NRXN3: variants seen among roughly 807,000 people sequenced by gnomAD.
The protein encoded by NRXN3 is neurexin III.
In NRXN3, 32 loss-of-function variants were observed where a neutral mutation model predicts 137.6. The observed-to-expected ratio is 0.23, with a 90% CI of 0.18 to 0.31. The LOEUF is 0.31. Among genes scored for constraint, NRXN3 ranks in the 10% least tolerant of loss-of-function variants. The pLI is 1.00. For synonymous variants in NRXN3, 798 were observed against 784.5 expected (o/e 1.02, Z -0.29); for missense variants, 1,574 against 2,062.5 (o/e 0.76, Z 4.59).
At chr14:78,421,046 C>T (rs1177181033) in intron 4 of NRXN3, among the ~76,000 whole-genome samples, 1 of 152,148 alleles carries the variant, frequency 6.6e-6, no homozygotes, top group African/African-American at 2.4e-5. Context: ...AGGCAGATCA[C>T]AAGGTCAAGG....
chr14:78,943,619 AAAATATATATATATATAT>A (rs1414228062), intron 10 of NRXN3, among the ~76,000 whole-genome samples: 49 of 42,810 alleles, frequency 1.1e-3, no homozygotes, highest in South Asian at 6.0e-3. Context: ...TTAAAAAAAA[AAAATATATATATATATAT>A]ATATATATAT....
chr14:79,478,537 T>C (rs914657414), intron 16 of NRXN3, among the ~76,000 whole-genome samples: 2 of 152,094 alleles, frequency 1.3e-5, no homozygotes, highest in Non-Finnish European at 2.9e-5. Context: ...GGACCCAGCA[T>C]CTACTCCTAG....
intron 4 of NRXN3, among the ~76,000 whole-genome samples, chr14:78,383,946 T>C (rs2089554993): frequency 6.6e-6 from 1 of 152,202 alleles, no homozygotes; most frequent in Non-Finnish European, 1.5e-5. Context: ...TTGGTCTACA[T>C]GGAGTCTACA....
chr14:78,213,794 T>C (rs1339506009), intron 1 of NRXN3, among the ~76,000 whole-genome samples: 1 of 152,126 alleles, frequency 6.6e-6, no homozygotes, highest in Non-Finnish European at 1.5e-5. Context: ...CAGAGAGCAA[T>C]GAGGCATTTG....
intron 4 of NRXN3, among the ~76,000 whole-genome samples, chr14:78,608,338 C>G (rs1003178181): frequency 6.6e-6 from 1 of 152,120 alleles, no homozygotes; most frequent in African/African-American, 2.4e-5. Context: ...ATACCTTCAG[C>G]CAAAAGAGAG....
At chr14:79,711,415 T>TAAAC (rs892627648) in intron 19 of NRXN3, among the ~76,000 whole-genome samples, 8 of 152,180 alleles carry the variant, frequency 5.3e-5, no homozygotes, top group Non-Finnish European at 8.8e-5. Context: ...TATTTTTATC[T>TAAAC]AAACAATATA....
intron 4 of NRXN3, among the ~76,000 whole-genome samples, chr14:78,535,604 T>C (rs1205994657): frequency 6.6e-6 from 1 of 152,178 alleles, no homozygotes; most frequent in Non-Finnish European, 1.5e-5. Context: ...ATCAATATTC[T>C]CTATGAGAGA....
At chr14:78,498,401 T>C (rs2095824165) in intron 4 of NRXN3, among the ~76,000 whole-genome samples, 2 of 152,204 alleles carry the variant, frequency 1.3e-5, no homozygotes, top group African/African-American at 4.8e-5. Flanking sequence ...CTGACATTTC[T>C]GGGACTCCAT....
At chr14:79,713,478 G>A (rs1170621027) in intron 19 of NRXN3, among the ~76,000 whole-genome samples, 7 of 135,368 alleles carry the variant, frequency 5.2e-5, no homozygotes, top group Non-Finnish European at 6.3e-5. Context: ...TATATATAAT[G>A]TATATATATA....
chr14:79,640,427 C>T (rs565418095), intron 16 of NRXN3, among the ~76,000 whole-genome samples: 5 of 135,542 alleles, frequency 3.7e-5, no homozygotes, highest in African/African-American at 1.2e-4. Flanking sequence ...TCCTAATGTC[C>T]ACACTATCTT....
intron 4 of NRXN3, among the ~76,000 whole-genome samples, chr14:78,529,002 C>A (rs193217711): frequency 6.6e-6 from 1 of 152,138 alleles, no homozygotes; most frequent in East Asian, 1.9e-4. Flanking sequence ...CATGAAGAAA[C>A]TGGGGCCTAA....
At chr14:78,404,816 G>A (rs148167521) in intron 4 of NRXN3, among the ~76,000 whole-genome samples, 2 of 152,166 alleles carry the variant, frequency 1.3e-5, no homozygotes, top group South Asian at 2.1e-4. Flanking sequence ...ATGTTGATTG[G>A]TAGATAATTA....
chr14:79,415,070 A>G lies in NRXN3; in HGVS notation c.3263-52151A>G, dbSNP rs148437624. Among the ~76,000 whole-genome samples the G allele has an allele frequency of 1.8e-4, 28 of 152,230 alleles. No individual in the cohort carries two copies. In the East Asian group the frequency reaches 4.2e-3, roughly 23 times the overall value. ...TTGTCACAGGATGAATAATATTTCT[A>G]TATATATGTGTGTTTATACATGCAT... is the stretch of plus-strand genomic sequence containing the variant. On this transcript the variant is annotated intron_variant, in intron 15 of 20. Transcript: ENST00000335750.
At chr14:79,272,894 C>A (rs553337085) in intron 15 of NRXN3, among the ~76,000 whole-genome samples, 79 of 152,164 alleles carry the variant, frequency 5.2e-4, no homozygotes, top group Admixed American at 1.8e-3. Flanking sequence ...GGGTGGGGGC[C>A]GGGTGCGGTG....
At chr14:79,283,414 A>G (rs1024945008) in intron 15 of NRXN3, among the ~76,000 whole-genome samples, 8 of 152,116 alleles carry the variant, frequency 5.3e-5, no homozygotes, top group Non-Finnish European at 1.2e-4. Flanking sequence ...TTTCTCTACT[A>G]TCCAGACCTA....
intron 10 of NRXN3, among the ~76,000 whole-genome samples, chr14:78,933,083 GC>G (rs2099326844): frequency 6.6e-6 from 1 of 152,188 alleles, no homozygotes; most frequent in Non-Finnish European, 1.5e-5. Context: ...GATGCCCAAT[GC>G]TTGTCTCACA....
At chr14:79,743,230 C>T (rs2098968676) in intron 19 of NRXN3, among the ~76,000 whole-genome samples, 1 of 152,222 alleles carries the variant, frequency 6.6e-6, no homozygotes, top group East Asian at 1.9e-4. Flanking sequence ...GGAGCACATG[C>T]TAGAGGCCTG....
intron 15 of NRXN3, chr14:79,248,841 A>T (rs1249304068): frequency 6.6e-6 from 1 of 152,244 alleles, no homozygotes; most frequent in Non-Finnish European, 1.5e-5. Context: ...CTTTTGGAGC[A>T]GAAAGCAGGC....
At chr14:78,649,172 A>G (rs1043790226) in intron 5 of NRXN3, 4 of 786,012 alleles carry the variant, frequency 5.1e-6, no homozygotes, top group African/African-American at 1.8e-5. Context: ...CTAATGTACT[A>G]ACACCCTAAC....
Sources: gnomAD v4.1 joint callset for allele counts (sites outside exome capture counted in the v4.1 genomes callset) on GRCh38, gnomAD v4.1.1 for gene constraint, MANE v1.5 for transcripts, NCBI Gene and HGNC (gene_info 2026-07-23, HGNC 2026-07-21) for gene names.